Variants in SCNM1 observed in about 807,000 individuals in gnomAD.
SCNM1 encodes sodium channel modifier 1.
Under a neutral mutation model 32.8 loss-of-function variants are expected in SCNM1, and 24 were observed. The observed-to-expected ratio is 0.73, with a 90% CI of 0.53 to 1.03. The LOEUF is 1.03. SCNM1 is among the 50% of genes least tolerant of loss of function. The pLI, the probability that SCNM1 is intolerant of heterozygous loss-of-function variation, is 0.00. For missense variants in SCNM1, 274 were observed against 282.3 expected (o/e 0.97, Z 0.21); for synonymous variants, 99 against 103.2 (o/e 0.96, Z 0.25).
rs926644207 is a variant in SCNM1, at chr1:151,169,698, T to C, written c.*613T>C. ...GCTTCTCCACTACCACTCAAAGTCC[T>C]TTCCCCCTTCAAATCACATAAGGAC... On this transcript the variant is annotated 3_prime_UTR_variant, in exon 7 of 7. Transcript: ENST00000368905. 37 of 234,758 alleles carry C rather than the reference T, an allele frequency of 1.6e-4. No homozygotes were observed. The highest frequency in any genetic ancestry group is 8.2e-4 in the African/African-American group (36 of 44,032). 14.5% of individuals were successfully genotyped at this position (234,758 alleles called of 1,614,324 possible).
Position 151,169,097 on chromosome 1 carries a change from C to G in SCNM1, c.*12C>G, listed in dbSNP as rs1298436229. 1.9e-6 allele frequency: 3 copies of G among 1,613,870 alleles called. No individual in the cohort carries two copies. Among genetic ancestry groups the G allele is most frequent in the Non-Finnish European group, 2.5e-6 (3 of 1,179,934 alleles). ...TCCCCTTGGACTGATACCCTTTTCC[C>G]ATTCATTCACAAATAAATTACAATG... On this transcript the variant is annotated 3_prime_UTR_variant, in exon 7 of 7. Transcript: ENST00000368905.
In SCNM1 at chr1:151,167,363, G is replaced by A. The variant is rs1395210366; in HGVS notation, c.347G>A (p.Ser116Asn). 6.2e-7 allele frequency: 1 copy of A among 1,614,164 alleles called. No homozygotes were observed. Among genetic ancestry groups the A allele is most frequent in the Non-Finnish European group, 8.5e-7 (1 of 1,180,022 alleles). Reference protein sequence around the residue: ...LLTQTRLITQSALHRAPHYNS... With the variant: ...LLTQTRLITQNALHRAPHYNS... The stretch of plus-strand genomic sequence containing the variant: ...ACTCAGACACGACTTATCACCCAGA[G>A]TGCTCTGCACAGAGCTCCCCACTAT... The change falls in exon 5 of 7, where the codon AGT becomes AAT. Residue 116 changes from serine to asparagine, a missense_variant. Physicochemically the swap from Ser to Asn is conservative, Grantham distance 46 (BLOSUM62 1). Coordinates refer to ENST00000368905, the MANE Select transcript of SCNM1 (RefSeq NM_024041.4).
chr1:151,169,078 T>C lies in SCNM1; in HGVS notation c.686T>C (p.Leu229Ser). The C allele has an allele frequency of 6.2e-7, 1 of 1,614,112 alleles. No individual in the cohort carries two copies. The highest frequency in any genetic ancestry group is 1.3e-5 in the African/African-American group (1 of 75,014). ...GAGGAGGAACCACCTGATCTCCCCTTGGACTGATACCCTTTTCCCATTCAT... is the reference window on the plus strand; with the variant it reads ...GAGGAGGAACCACCTGATCTCCCCTCGGACTGATACCCTTTTCCCATTCAT... ...SDEEEPPDLP[L>S]D The change falls in exon 7 of 7, where the codon TTG becomes TCG. Residue 229 changes from leucine to serine, a missense_variant. Leu to Ser is a moderately radical substitution (Grantham distance 145). Coordinates refer to ENST00000368905, the MANE Select transcript of SCNM1 (RefSeq NM_024041.4).
intron 5 of SCNM1, 95 bp from the exon 6 acceptor site, chr1:151,168,049 A>T (rs1453883767): frequency 5.4e-6 from 7 of 1,306,222 alleles, no homozygotes; most frequent in African/African-American, 1.5e-5. Flanking sequence ...ATCTTGAGAA[A>T]TATAGTTTAA....
At chr1:151,166,251 A>C in intron 1 of SCNM1, 48 bp downstream of exon 1, 1 of 1,563,794 alleles carries the variant, frequency 6.4e-7, no homozygotes, top group Non-Finnish European at 8.7e-7. Flanking sequence ...CGCTCCCTGA[A>C]GGTTGGGAAG....
At position 151,169,780 on chromosome 1, in the gene SCNM1, TC is replaced by T. The variant is rs587646647; in HGVS notation, c.*698del. ...TCTGGAAACAGGGCTGTGGCTAAGT[TC>T]CCTGTGAAAGTAGAAGAGTCAAAAG... On this transcript the variant is annotated 3_prime_UTR_variant, in exon 7 of 7. Coordinates refer to ENST00000368905, the MANE Select transcript of SCNM1 (RefSeq NM_024041.4). 71 of 410,408 alleles carry T rather than the reference TC, an allele frequency of 1.7e-4. 1 individual carries two copies. In the South Asian group the frequency reaches 1.9e-3, roughly 11 times the overall value. 25.4% of individuals were successfully genotyped at this position (410,408 alleles called of 1,614,324 possible).
In SCNM1 at chr1:151,166,204, G is replaced by C; in HGVS notation, c.51+1G>C. The C allele has an allele frequency of 6.3e-7, 1 of 1,597,944 alleles. No individual in the cohort carries two copies. The highest frequency in any genetic ancestry group is 8.5e-7 in the Non-Finnish European group (1 of 1,171,282). On this transcript the variant is annotated splice_donor_variant, in intron 1 of 6. Coordinates refer to ENST00000368905, the MANE Select transcript of SCNM1 (RefSeq NM_024041.4). LOFTEE classifies it high-confidence loss of function. ...TTGGAGTCAACTCAATGTGCTCAAA[G>C]TAAGCGTGAGCGGAGAGGATCTGGA...
Position 151,167,122 on chromosome 1 carries a change from C to T in SCNM1, c.213C>T (p.Ser71=), listed in dbSNP as rs1432298846. The T allele has an allele frequency of 1.9e-6, 3 of 1,614,184 alleles. No individual in the cohort carries two copies. The highest frequency in any genetic ancestry group is 2.2e-5 in the East Asian group (1 of 44,888). The change falls in exon 4 of 7, where the codon AGC becomes AGT. Residue 71 remains serine (S), a splice_region_variant and synonymous_variant. Coordinates refer to ENST00000368905, the MANE Select transcript of SCNM1 (RefSeq NM_024041.4). The part of the protein sequence containing the change: ...AHRAGKKHLS[S]LQLFYGKKQP... The stretch of plus-strand genomic sequence containing the variant: ...AATTCTGTTTCCCTTTCTCCTCAGG[C>T]TTGCAGCTTTTCTATGGCAAGAAGC...
At chr1:151,166,835 G>C in intron 2 of SCNM1, 99 bp from the exon 3 acceptor site, 1 of 1,549,530 alleles carries the variant, frequency 6.5e-7, no homozygotes, top group South Asian at 1.2e-5. Flanking sequence ...CAGGGAGTTG[G>C]GTTTTGCAAA....
chr1:151,168,412 CT>C (rs373666513), intron 6 of SCNM1, 74 bp downstream of exon 6: 161,262 of 1,028,426 alleles, frequency 0.16, no homozygotes, highest in South Asian at 0.2. Context: ...ATTGTTTTTC[CT>C]TTTTTTTTTT....
intron 2 of SCNM1, 168 bp downstream of exon 2, chr1:151,166,709 C>T (rs1391856212): frequency 3.9e-6 from 5 of 1,280,534 alleles, no homozygotes; most frequent in Admixed American, 2.6e-5. Context: ...GCTGGGTTTA[C>T]AAGCGCATGC....
At position 151,167,131 on chromosome 1, in the gene SCNM1, T is replaced by C. The variant is rs1683743320; in HGVS notation, c.222T>C (p.Leu74=). Residue 74 remains leucine, a synonymous_variant, in exon 4 of 7, where the codon CTT becomes CTC. Coordinates refer to ENST00000368905, the MANE Select transcript of SCNM1 (RefSeq NM_024041.4). ...AGKKHLSSLQ[L]FYGKKQPGKE... ...TCCCTTTCTCCTCAGGCTTGCAGCTTTTCTATGGCAAGAAGCAGCCGGGAA... is the reference window on the plus strand; with the variant it reads ...TCCCTTTCTCCTCAGGCTTGCAGCTCTTCTATGGCAAGAAGCAGCCGGGAA... 3 of 1,614,196 alleles carry C rather than the reference T, an allele frequency of 1.9e-6. No homozygotes were observed. Among genetic ancestry groups the C allele is most frequent in the Non-Finnish European group, 2.5e-6 (3 of 1,180,044 alleles).
intron 2 of SCNM1, 153 bp from the exon 3 acceptor site, chr1:151,166,781 C>G: frequency 7.6e-7 from 1 of 1,308,482 alleles, no homozygotes. Context: ...ACCTAGGATT[C>G]TTTGGCGGCC....
At position 151,169,160 on chromosome 1, in the gene SCNM1, T is replaced by C; in HGVS notation, c.*75T>C. The C allele has an allele frequency of 4.5e-6, 7 of 1,563,156 alleles. No homozygotes were observed. Among genetic ancestry groups the C allele is most frequent in the Non-Finnish European group, 6.1e-6 (7 of 1,139,046 alleles). On this transcript the variant is annotated 3_prime_UTR_variant, in exon 7 of 7. Coordinates refer to ENST00000368905, the MANE Select transcript of SCNM1 (RefSeq NM_024041.4). ...TTAACTTTCCTTAAGTCTGGTTCCT[T>C]GTTGGATCTCAGGATTTCAGATCTG...
In SCNM1 at chr1:151,169,498, C is replaced by A; in HGVS notation, c.*413C>A. On this transcript the variant is annotated 3_prime_UTR_variant, in exon 7 of 7. Coordinates refer to ENST00000368905, the MANE Select transcript of SCNM1 (RefSeq NM_024041.4). ...TGACCTCGTGATCCGCCCACCTCGGCCTCCCAAAGTGCTGGGATTACAGGC... is the reference window on the plus strand; with the variant it reads ...TGACCTCGTGATCCGCCCACCTCGGACTCCCAAAGTGCTGGGATTACAGGC... 5.7e-6 allele frequency: 1 copy of A among 175,614 alleles called. No homozygotes were observed. The highest frequency in any genetic ancestry group is 1.2e-5 in the Non-Finnish European group (1 of 80,962). The allele number at this position is 175,614 out of a possible 1,614,324, so 10.9% of individuals were successfully genotyped here.
chr1:151,169,284 G>A lies in SCNM1; in HGVS notation c.*199G>A, dbSNP rs1015816212. On this transcript the variant is annotated 3_prime_UTR_variant, in exon 7 of 7. Transcript: ENST00000368905. ...TTTTGAGGCAGAGTCTCGCTCTATC[G>A]CCCAGGCTGGAGTGCAGTGGCACGA... 4 of 486,822 alleles carry A rather than the reference G, an allele frequency of 8.2e-6. No homozygotes were observed. The highest frequency in any genetic ancestry group is 4.2e-5 in the Admixed American group (1 of 23,834). The allele number at this position is 486,822 out of a possible 1,614,324, so 30.2% of individuals were successfully genotyped here.
Position 151,169,741 on chromosome 1 carries a change from G to C in SCNM1, c.*656G>C. ...ATAAGGACTGCAGGTAGGCACTAGG[G>C]GGACCTGGCCACATCTGGAAACAGG... is the stretch of plus-strand genomic sequence containing the variant. On this transcript the variant is annotated 3_prime_UTR_variant, in exon 7 of 7. Transcript: ENST00000368905. 2.9e-6 allele frequency: 1 copy of C among 341,200 alleles called. No homozygotes were observed. Among genetic ancestry groups the C allele is most frequent in the Non-Finnish European group, 5.5e-6 (1 of 182,850 alleles). 21.1% of individuals were successfully genotyped at this position (341,200 alleles called of 1,614,324 possible).
At chr1:151,166,445 C>G in intron 1 of SCNM1, 26 bp from the exon 2 acceptor site, 1 of 1,613,680 alleles carries the variant, frequency 6.2e-7, no homozygotes. Flanking sequence ...TGATCCCGTC[C>G]GGATTTCTTC....
rs1039595808 is a variant in SCNM1, at chr1:151,169,853, C to T, written c.*768C>T. ...ACACCAAGGGAGGGAACACCCCCAC[C>T]TCCTCCTAGTAACCTGAACCTCCCT... On this transcript the variant is annotated 3_prime_UTR_variant, in exon 7 of 7. Transcript: ENST00000368905. 1.8e-6 allele frequency: 1 copy of T among 558,562 alleles called. No homozygotes were observed. The highest frequency in any genetic ancestry group is 2.0e-5 in the South Asian group (1 of 48,916). 34.6% of individuals were successfully genotyped at this position (558,562 alleles called of 1,614,324 possible).
Sources: allele counts gnomAD v4.1 joint callset, GRCh38; gene constraint gnomAD v4.1.1; transcripts MANE v1.5; gene names NCBI Gene and HGNC (gene_info 2026-07-23, HGNC 2026-07-21).